DUSP8: variants seen among roughly 807,000 people sequenced by gnomAD.
DUSP8 encodes the protein dual specificity phosphatase 8, also known as dual specificity protein phosphatase 8.
DUSP8 carries 15 observed loss-of-function variants against 38.7 expected under a neutral mutation model. The ratio of observed to expected loss-of-function variants is 0.39; its 90% CI spans 0.26 to 0.60. The LOEUF is 0.60. Among genes scored for constraint, DUSP8 ranks in the 20% least tolerant of loss-of-function variants. DUSP8 has a pLI of 0.56. For synonymous variants in DUSP8, 458 were observed against 433.9 expected (o/e 1.06, Z -0.69); for missense variants, 768 against 915.0 (o/e 0.84, Z 2.07).
In DUSP8 at chr11:1,559,057, T is replaced by C. The variant is rs1394346179; in HGVS notation, c.371-2A>G. ...AGGAGGAGAAGGTGGCGAAGCCCCC[T>C]GTAGGAGGAGGGCCGTCAAGTGGGT... On this transcript the variant is annotated splice_acceptor_variant, in intron 3 of 6. Transcript: ENST00000397374. LOFTEE classifies it high-confidence loss of function. 6.2e-7 allele frequency: 1 copy of C among 1,608,776 alleles called. No individual in the cohort carries two copies. Among genetic ancestry groups the C allele is most frequent in the Non-Finnish European group, 8.5e-7 (1 of 1,179,162 alleles).
At position 1,572,138 on chromosome 11, in the gene DUSP8, C is replaced by A. The variant is rs1848912901; in HGVS notation, c.-346G>T. On this transcript the variant is annotated 5_prime_UTR_variant, in exon 1 of 7. Coordinates refer to ENST00000397374, the MANE Select transcript of DUSP8 (RefSeq NM_004420.3). This position sits in a 1 kb window ranked among gnomAD's most constrained non-coding sequence, Gnocchi z 4.7. Reference sequence around the variant, plus strand: ...CGCGCGCTCGCGGCGCGCATCCCAGCCCCGCGGCTCGGCGGGCGCGGCCGG... The same window carrying A: ...CGCGCGCTCGCGGCGCGCATCCCAGACCCGCGGCTCGGCGGGCGCGGCCGG... Among the ~76,000 whole-genome samples the A allele has an allele frequency of 6.9e-6, 1 of 145,600 alleles. No homozygotes were observed.
rs1279431121 is a variant in DUSP8 at position 1,554,249 on chromosome 11, G to C, written c.*2269C>G. On this transcript the variant is annotated 3_prime_UTR_variant, in exon 7 of 7. Coordinates refer to ENST00000397374, the MANE Select transcript of DUSP8 (RefSeq NM_004420.3). ...GGACTTCCCAGCAAATAACAGGAGG[G>C]GCCGGGTCCATTTTGGGGCGATCCC... is the stretch of plus-strand genomic sequence containing the variant. 1 of 152,482 alleles carries C rather than the reference G, an allele frequency of 6.6e-6. No homozygotes were observed. The highest frequency in any genetic ancestry group is 2.4e-5 in the African/African-American group (1 of 41,474). The allele number at this position is 152,482 out of a possible 1,614,324, so 9.4% of individuals were successfully genotyped here.
rs989865190 is a variant in DUSP8, at chr11:1,560,761, C to T, written c.371-1706G>A. On this transcript the variant is annotated intron_variant, in intron 3 of 6. Transcript: ENST00000397374. ...GGACAGCCCCGGGGAGGCGGAAGGG[C>T]TGCACCACTTCTCTGCAGACTCTTC... 2.0e-5 allele frequency among the ~76,000 whole-genome samples: 3 copies of T among 152,178 alleles called. No homozygotes were observed. In the East Asian group the frequency reaches 5.8e-4, roughly 29 times the overall value.
chr11:1,564,985 G>C (rs1436281497), intron 2 of DUSP8, among the ~76,000 whole-genome samples: 1 of 152,210 alleles, frequency 6.6e-6, no homozygotes, highest in African/African-American at 2.4e-5. Flanking sequence ...AGCCCCGCTG[G>C]TCCCTCCCCA....
chr11:1,558,810 C>G lies in DUSP8; in HGVS notation c.537+79G>C. On this transcript the variant is annotated intron_variant, in intron 4 of 6. Coordinates refer to ENST00000397374, the MANE Select transcript of DUSP8 (RefSeq NM_004420.3). The surrounding 1 kb of genome is among the most constrained non-coding windows in gnomAD (Gnocchi z 6.3). ...CTTCAGCTCCTTTCCTCCCTCATCCCCCGCTCCGCTGCCAAGCTGCTTCTG... is the reference window on the plus strand; with the variant it reads ...CTTCAGCTCCTTTCCTCCCTCATCCGCCGCTCCGCTGCCAAGCTGCTTCTG... 1 of 1,501,612 alleles carries G rather than the reference C, an allele frequency of 6.7e-7. No homozygotes were observed. 93.0% of individuals were successfully genotyped at this position (1,501,612 alleles called of 1,614,324 possible). A position where few individuals can be genotyped will look rare whatever the true frequency, so the allele number is the denominator to read the frequency against.
At position 1,556,679 on chromosome 11, in the gene DUSP8, A is replaced by T; in HGVS notation, c.1717T>A (p.Trp573Arg). ...GTCTCCGGGGCCGGCTCCTCGGGCC[A>T]GCCGGTCCGCGCGTCCCGGGGCTCA... ...RAEPRDARTG[W>R]PEEPAPETQF... Residue 573 changes from tryptophan to arginine, a missense_variant, in exon 7 of 7, where the codon TGG (tryptophan) becomes AGG (arginine). This residue lies in a region of DUSP8 where 474 missense variants were observed against 430.8 expected (regional missense o/e 1.10). Transcript: ENST00000397374. The surrounding 1 kb of genome is among the most constrained non-coding windows in gnomAD (Gnocchi z 5.2). The T allele has an allele frequency of 7.5e-7, 1 of 1,334,966 alleles. No individual in the cohort carries two copies. The highest frequency in any genetic ancestry group is 9.6e-7 in the Non-Finnish European group (1 of 1,039,096). The allele number at this position is 1,334,966 out of a possible 1,614,324, so 82.7% of individuals were successfully genotyped here. A position where few individuals can be genotyped will look rare whatever the true frequency, so the allele number is the denominator to read the frequency against.
At chr11:1,560,187 C>A (rs1321087606) in intron 3 of DUSP8, among the ~76,000 whole-genome samples, 1 of 152,134 alleles carries the variant, frequency 6.6e-6, no homozygotes, top group Non-Finnish European at 1.5e-5. Context: ...TTGTGCAGAG[C>A]CTGAGGCAGC....
Position 1,555,493 on chromosome 11 carries a change from G to T in DUSP8, c.*1025C>A. 3 of 690,632 alleles carry T rather than the reference G, an allele frequency of 4.3e-6. No homozygotes were observed. The highest frequency in any genetic ancestry group is 6.4e-5 in the South Asian group (1 of 15,544). 42.8% of individuals were successfully genotyped at this position (690,632 alleles called of 1,614,324 possible). A position where few individuals can be genotyped will look rare whatever the true frequency, so the allele number is the denominator to read the frequency against. ...CTGCCTGGGGCATGGCTGGGAGGGG[G>T]GCGGGGCAGACCTGGAACAGAACCC... On this transcript the variant is annotated 3_prime_UTR_variant, in exon 7 of 7. Coordinates refer to ENST00000397374, the MANE Select transcript of DUSP8 (RefSeq NM_004420.3).
At chr11:1,568,762 G>A (rs751947464) in intron 1 of DUSP8, among the ~76,000 whole-genome samples, 4 of 152,152 alleles carry the variant, frequency 2.6e-5, no homozygotes, top group East Asian at 1.9e-4. Context: ...GCAGCTCGCC[G>A]GCTCCCCGCC....
Position 1,557,687 on chromosome 11 carries a change from C to G in DUSP8, c.821+107G>C. On this transcript the variant is annotated intron_variant, in intron 6 of 6. Coordinates refer to ENST00000397374, the MANE Select transcript of DUSP8 (RefSeq NM_004420.3). The surrounding 1 kb of genome is among the most constrained non-coding windows in gnomAD (Gnocchi z 9.9). Reference sequence around the variant, plus strand: ...CGCCAGGCTGGTCTCAGGCCCTCCTCCCTTGCCACGGGTCCTGGACGGTGG... The same window carrying G: ...CGCCAGGCTGGTCTCAGGCCCTCCTGCCTTGCCACGGGTCCTGGACGGTGG... The G allele has an allele frequency of 6.4e-7, 1 of 1,571,130 alleles. No individual in the cohort carries two copies. The highest frequency in any genetic ancestry group is 2.3e-5 in the East Asian group (1 of 44,420).
Position 1,555,614 on chromosome 11 carries a change from G to A in DUSP8, c.*904C>T, listed in dbSNP as rs2133424598. On this transcript the variant is annotated 3_prime_UTR_variant, in exon 7 of 7. Coordinates refer to ENST00000397374, the MANE Select transcript of DUSP8 (RefSeq NM_004420.3). ...GGCGCCTCCTGCCTGACCCCCGGAG[G>A]CCAAGCTCCTCTCCTGCAATGGTGC... 1 of 321,020 alleles carries A rather than the reference G, an allele frequency of 3.1e-6. No individual in the cohort carries two copies. Among genetic ancestry groups the A allele is most frequent in the Non-Finnish European group, 4.5e-6 (1 of 222,598 alleles). The allele number at this position is 321,020 out of a possible 1,614,324, so 19.9% of individuals were successfully genotyped here.
chr11:1,565,913 G>T lies in DUSP8; in HGVS notation c.-87C>A. 1 of 1,138,184 alleles carries T rather than the reference G, an allele frequency of 8.8e-7. No homozygotes were observed. The highest frequency in any genetic ancestry group is 1.3e-6 in the Non-Finnish European group (1 of 766,692). 70.5% of individuals were successfully genotyped at this position (1,138,184 alleles called of 1,614,324 possible). A position where few individuals can be genotyped will look rare whatever the true frequency, so the allele number is the denominator to read the frequency against. ...CCAGGTGTGGCCTCGCGCTGGGAGTGACCTAGCACATGGTGCTGGACCTGC... is the reference window on the plus strand; with the variant it reads ...CCAGGTGTGGCCTCGCGCTGGGAGTTACCTAGCACATGGTGCTGGACCTGC... On this transcript the variant is annotated 5_prime_UTR_variant, in exon 2 of 7. Transcript: ENST00000397374.
At chr11:1,571,198 G>C (rs1425937260) in intron 1 of DUSP8, among the ~76,000 whole-genome samples, 1 of 152,172 alleles carries the variant, frequency 6.6e-6, no homozygotes, top group Non-Finnish European at 1.5e-5. Flanking sequence ...GGTCTGCTCC[G>C]CATCCCAGGC....
chr11:1,559,090 ACACCTAGGGCT>A (rs746322674), intron 3 of DUSP8, 35 bp from the exon 4 acceptor site: 1 of 1,596,974 alleles, frequency 6.3e-7, no homozygotes, highest in South Asian at 1.1e-5. Flanking sequence ...GGTTGAGAGA[ACACCTAGGGCT>A]CCCTGTCCGC....
intron 3 of DUSP8, among the ~76,000 whole-genome samples, chr11:1,561,765 C>T (rs1442835734): frequency 2.0e-5 from 3 of 152,344 alleles, no homozygotes; most frequent in Admixed American, 6.5e-5. Context: ...GCCTGTGCCG[C>T]GGGATCCTGG....
At chr11:1,564,024 T>G in intron 2 of DUSP8, 35 bp from the exon 3 acceptor site, 1 of 1,412,576 alleles carries the variant, frequency 7.1e-7, no homozygotes, top group Non-Finnish European at 9.3e-7. Flanking sequence ...GCATGCCGCC[T>G]CCACCTATCG....
chr11:1,560,823 C>T (rs1848707066), intron 3 of DUSP8, among the ~76,000 whole-genome samples: 1 of 152,164 alleles, frequency 6.6e-6, no homozygotes, highest in South Asian at 2.1e-4. Flanking sequence ...TGTGGCTCTC[C>T]CAGGGATTTT....
Position 1,556,757 on chromosome 11 carries a change from C to A in DUSP8, c.1639G>T (p.Ala547Ser). ...VLFAPFGRAG[A>S]PGPGGGSDLR... Reference sequence around the variant, plus strand: ...TCGCTGCCGCCGCCTGGTCCCGGGGCGCCCGCCCGGCCGAAGGGCGCAAAC... The same window carrying A: ...TCGCTGCCGCCGCCTGGTCCCGGGGAGCCCGCCCGGCCGAAGGGCGCAAAC... The change falls in exon 7 of 7, where the codon GCC becomes TCC. Residue 547 changes from alanine to serine, a missense_variant. By Grantham distance (99) the Ala-to-Ser change is moderately conservative. This residue lies in a region of DUSP8 where 474 missense variants were observed against 430.8 expected (regional missense o/e 1.10). Coordinates refer to ENST00000397374, the MANE Select transcript of DUSP8 (RefSeq NM_004420.3). This position sits in a 1 kb window ranked among gnomAD's most constrained non-coding sequence, Gnocchi z 5.2. 8.3e-7 allele frequency: 1 copy of A among 1,202,714 alleles called. No homozygotes were observed. The highest frequency in any genetic ancestry group is 1.6e-5 in the African/African-American group (1 of 63,126). The allele number at this position is 1,202,714 out of a possible 1,614,324, so 74.5% of individuals were successfully genotyped here.
intron 1 of DUSP8, among the ~76,000 whole-genome samples, chr11:1,568,487 G>A (rs183341996): frequency 2.5e-4 from 38 of 152,258 alleles, no homozygotes; most frequent in Admixed American, 1.9e-3. Flanking sequence ...ATTTGCAGCC[G>A]AAGGGGATTC....
Sources: allele counts gnomAD v4.1 joint callset (sites outside exome capture counted in the v4.1 genomes callset), GRCh38; gene constraint gnomAD v4.1.1; regional missense constraint gnomAD v4.1.1; non-coding constraint Gnocchi (gnomAD v3.1); transcripts MANE v1.5; gene names NCBI Gene and HGNC (gene_info 2026-07-23, HGNC 2026-07-21).